Variants in PCDH15 observed in about 807,000 individuals in gnomAD.
The protein encoded by PCDH15 is protocadherin-15.
In PCDH15, 129 loss-of-function variants were observed where a neutral mutation model predicts 178.5. The ratio of observed to expected loss-of-function variants is 0.72; its 90% CI spans 0.63 to 0.84. The LOEUF (loss-of-function observed/expected upper bound fraction) is 0.84, where lower values mean the gene tolerates loss of function less well. Ranked by LOEUF, PCDH15 falls within the 40% of genes least tolerant of loss-of-function variation. The pLI is 0.00. For synonymous variants in PCDH15, 800 were observed against 732.0 expected (o/e 1.09, Z -1.50); for missense variants, 2,230 against 2,099.9 (o/e 1.06, Z -1.21).
At chr10:54,782,267 G>A (rs1295943751) in intron 1 of PCDH15, among the ~76,000 whole-genome samples, 3 of 152,068 alleles carry the variant, frequency 2.0e-5, no homozygotes, top group East Asian at 1.9e-4. Context: ...GCAGCTAGAC[G>A]TATTTAAGTT....
chr10:55,285,990 T>G (rs144931672), intron 1 of PCDH15, among the ~76,000 whole-genome samples: 1 of 152,136 alleles, frequency 6.6e-6, no homozygotes, highest in African/African-American at 2.4e-5. Flanking sequence ...CTTTTGATTT[T>G]CGTGCATTAT....
At chr10:55,599,799 T>C (rs780956546) in intron 2 of PCDH15, 8 of 562,856 alleles carry the variant, frequency 1.4e-5, no homozygotes, top group Non-Finnish European at 2.0e-5. Flanking sequence ...TTGCTAGTAT[T>C]AGAGGCACTG....
At chr10:54,082,807 T>TA (rs1199254723) in intron 16 of PCDH15, among the ~76,000 whole-genome samples, 23 of 149,280 alleles carry the variant, frequency 1.5e-4, no homozygotes, top group Admixed American at 8.7e-4. Context: ...ATCGAGAAAG[T>TA]AAAAAAAACA....
rs555966011 is a variant in PCDH15 at position 55,492,688 on chromosome 10, GA to G, written c.-156+134936del. On this transcript the variant is annotated intron_variant, in intron 2 of 5. Coordinates refer to the PCDH15 transcript ENST00000613346. ...AACAAAAGTGTGACGAGTGCACGGG[GA>G]AAAAATGCAGGCAATAGGTATGGCC... is the stretch of plus-strand genomic sequence containing the variant. Among the ~76,000 whole-genome samples the G allele has an allele frequency of 1.1e-3, 165 of 151,796 alleles. 2 individuals are homozygous for G. Among genetic ancestry groups the G allele is most frequent in the African/African-American group, 3.7e-3 (155 of 41,496 alleles).
At chr10:53,946,485 T>C (rs2086584952) in intron 23 of PCDH15, among the ~76,000 whole-genome samples, 1 of 152,232 alleles carries the variant, frequency 6.6e-6, no homozygotes, top group South Asian at 2.1e-4. Context: ...AATCATACAG[T>C]ATGTAGTTTT....
At chr10:55,149,103 G>A (rs1257382754) in intron 2 of PCDH15, among the ~76,000 whole-genome samples, 2 of 150,998 alleles carry the variant, frequency 1.3e-5, no homozygotes, top group South Asian at 2.1e-4. Context: ...AAAATGTAGT[G>A]GTTAAAAAAT....
chr10:55,459,371 G>A (rs192778890), intron 2 of PCDH15, among the ~76,000 whole-genome samples: 16 of 151,968 alleles, frequency 1.1e-4, no homozygotes, highest in East Asian at 7.7e-4. Context: ...GTTTTCTCCC[G>A]CTTATCTGAA....
chr10:54,022,840 T>C (rs1297647030), intron 19 of PCDH15, 52 bp downstream of exon 19: 7 of 1,594,622 alleles, frequency 4.4e-6, no homozygotes, highest in South Asian at 1.1e-5. Flanking sequence ...CAAACCCTAA[T>C]AGCAAATCTC....
At chr10:53,918,686 G>A (rs763512374) in intron 25 of PCDH15, among the ~76,000 whole-genome samples, 7 of 150,892 alleles carry the variant, frequency 4.6e-5, no homozygotes, top group Non-Finnish European at 1.0e-4. Flanking sequence ...TCAAATAGGC[G>A]CCTCTGTCCT....
chr10:55,543,517 T>C (rs1218782978), intron 2 of PCDH15, among the ~76,000 whole-genome samples: 1 of 151,474 alleles, frequency 6.6e-6, no homozygotes, highest in African/African-American at 2.4e-5. Context: ...CAGTACTTGA[T>C]TGCTAACCCT....
At chr10:54,063,523 G>T (rs1340583758) in intron 18 of PCDH15, among the ~76,000 whole-genome samples, 3 of 151,960 alleles carry the variant, frequency 2.0e-5, no homozygotes, top group African/African-American at 7.3e-5. Context: ...GTATGCTTTG[G>T]CCAACTTCCA....
chr10:53,965,322 G>T (rs565140801), intron 21 of PCDH15, among the ~76,000 whole-genome samples: 13 of 152,082 alleles, frequency 8.5e-5, no homozygotes, highest in East Asian at 5.8e-4. Flanking sequence ...CCTTCCAAAG[G>T]GCTGAGATTA....
intron 3 of PCDH15, among the ~76,000 whole-genome samples, chr10:54,871,207 CA>C (rs1954033003): frequency 6.6e-6 from 1 of 152,146 alleles, no homozygotes; most frequent in Non-Finnish European, 1.5e-5. Flanking sequence ...ACAGATTTAT[CA>C]AAGGCTATAT....
chr10:55,554,099 G>A (rs181309467), intron 2 of PCDH15, among the ~76,000 whole-genome samples: 1 of 152,016 alleles, frequency 6.6e-6, no homozygotes, highest in East Asian at 1.9e-4. Context: ...CACTACCTCT[G>A]TCCAGCCCAA....
intron 9 of PCDH15, among the ~76,000 whole-genome samples, chr10:54,223,087 G>C (rs879610880): frequency 6.6e-6 from 1 of 152,058 alleles, no homozygotes; most frequent in African/African-American, 2.4e-5. Context: ...TGAGGTGGGG[G>C]GATCACCTGA....
chr10:55,623,716 G>A (rs749421800), intron 2 of PCDH15, among the ~76,000 whole-genome samples: 1 of 150,550 alleles, frequency 6.6e-6, no homozygotes, highest in Non-Finnish European at 1.5e-5. Flanking sequence ...TAGGAGTGGT[G>A]GCTACTAGAT....
chr10:54,767,495 A>T (rs769311787), intron 1 of PCDH15, among the ~76,000 whole-genome samples: 3 of 152,118 alleles, frequency 2.0e-5, no homozygotes, highest in African/African-American at 7.2e-5. Context: ...CTTACATCTT[A>T]AGTGTGCCCT....
chr10:54,246,781 TCA>T (rs1215837527), intron 8 of PCDH15, among the ~76,000 whole-genome samples: 1 of 151,988 alleles, frequency 6.6e-6, no homozygotes, highest in Non-Finnish European at 1.5e-5. Flanking sequence ...TTACATTCTA[TCA>T]CAGAGTAGGA....
chr10:53,808,127 G>A (rs1401705106), intron 37 of PCDH15: 1 of 151,990 alleles, frequency 6.6e-6, no homozygotes, highest in Non-Finnish European at 1.5e-5. Flanking sequence ...ATTGAAAAAT[G>A]TTATTTCATT....
Sources: gnomAD v4.1 joint callset for allele counts (sites outside exome capture counted in the v4.1 genomes callset) on GRCh38, gnomAD v4.1.1 for gene constraint, MANE v1.5 for transcripts, NCBI Gene and HGNC (gene_info 2026-07-23, HGNC 2026-07-21) for gene names.